The following FLT1 variants were observed in gnomAD, a reference collection of about 807,000 sequenced individuals.
FLT1 encodes the protein vascular endothelial growth factor receptor 1.
Under a neutral mutation model 156.3 loss-of-function variants are expected in FLT1, and 49 were observed. The observed-to-expected ratio is 0.31, with a 90% confidence interval of 0.25 to 0.40. The LOEUF (loss-of-function observed/expected upper bound fraction) is 0.40. Among genes scored for constraint, FLT1 ranks in the 10% least tolerant of loss-of-function variants. The pLI is 1.00. For missense variants in FLT1, 1,322 were observed against 1,637.2 expected (o/e 0.81, Z 3.32); for synonymous variants, 594 against 583.8 (o/e 1.02, Z -0.25).
intron 3 of FLT1, among the ~76,000 whole-genome samples, chr13:28,449,155 C>T (rs1343984692): frequency 6.6e-6 from 1 of 152,108 alleles, no homozygotes; most frequent in Non-Finnish European, 1.5e-5. Flanking sequence ...TGGTGGTACA[C>T]ACCTATAGTC....
At chr13:28,434,699 A>C (rs573919727) in intron 4 of FLT1, among the ~76,000 whole-genome samples, 1 of 152,314 alleles carries the variant, frequency 6.6e-6, no homozygotes, top group East Asian at 1.9e-4. Context: ...CCTGGCCAAC[A>C]TGGTGAAACC....
intron 17 of FLT1, among the ~76,000 whole-genome samples, chr13:28,338,652 A>G (rs1238075719): frequency 6.6e-6 from 1 of 152,102 alleles, no homozygotes; most frequent in Non-Finnish European, 1.5e-5. Flanking sequence ...TAATTTGTGG[A>G]TTTGTGCAGA....
chr13:28,385,686 TTTATA>T, intron 13 of FLT1: 1 of 981,238 alleles, frequency 1.0e-6, no homozygotes, highest in Non-Finnish European at 1.2e-6. Flanking sequence ...AATATTGTAT[TTTATA>T]TTATTTTCTC....
At chr13:28,349,639 A>G (rs985714244) in intron 15 of FLT1, among the ~76,000 whole-genome samples, 4 of 152,188 alleles carry the variant, frequency 2.6e-5, no homozygotes, top group Non-Finnish European at 5.9e-5. Context: ...TGCTTCCCGC[A>G]TGGAATGCAC....
intron 15 of FLT1, 175 bp from the exon 16 acceptor site, chr13:28,345,726 T>C: frequency 3.2e-6 from 2 of 621,580 alleles, no homozygotes; most frequent in South Asian, 1.8e-5. Flanking sequence ...CCAGGCAGTA[T>C]ACATGAACTC....
intron 3 of FLT1, among the ~76,000 whole-genome samples, chr13:28,462,580 T>C (rs971864986): frequency 6.6e-6 from 1 of 152,212 alleles, no homozygotes; most frequent in African/African-American, 2.4e-5. Flanking sequence ...TATTTTCCAC[T>C]ATTATGATTC....
chr13:28,442,783 C>A (rs547671443), intron 3 of FLT1, among the ~76,000 whole-genome samples: 3 of 151,980 alleles, frequency 2.0e-5, no homozygotes, highest in African/African-American at 7.2e-5. Context: ...ATTTCCTCTG[C>A]AATTTACTTC....
intron 27 of FLT1, among the ~76,000 whole-genome samples, chr13:28,310,301 A>G (rs1870945050): frequency 6.6e-6 from 1 of 152,164 alleles, no homozygotes; most frequent in Non-Finnish European, 1.5e-5. Context: ...CTAGAGGCCC[A>G]TAGTACAGTC....
At chr13:28,317,459 G>T in intron 25 of FLT1, 39 bp downstream of exon 25, 1 of 1,282,280 alleles carries the variant, frequency 7.8e-7, no homozygotes, top group Non-Finnish European at 1.1e-6. Context: ...GGTGAAAAGC[G>T]AGCTGTCAGA....
chr13:28,461,636 TAAA>T (rs1879583966), intron 3 of FLT1, among the ~76,000 whole-genome samples: 1 of 152,030 alleles, frequency 6.6e-6, no homozygotes, highest in African/African-American at 2.4e-5. Context: ...AAAATAAGAA[TAAA>T]AAAAGAATCC....
chr13:28,405,019 C>CAAA (rs762428024), intron 11 of FLT1, among the ~76,000 whole-genome samples: 1 of 94,702 alleles, frequency 1.1e-5, no homozygotes, highest in Non-Finnish European at 2.1e-5. Flanking sequence ...GACTCCATCT[C>CAAA]AAAAAAAAAA....
At position 28,364,921 on chromosome 13, in the gene FLT1, C is replaced by G. The variant is rs150706102; in HGVS notation, c.2117-7236G>C. 6.4e-3 allele frequency among the ~76,000 whole-genome samples: 978 copies of G among 152,106 alleles called. 7 individuals are homozygous for G. Among genetic ancestry groups the G allele is most frequent in the Non-Finnish European group, 0.011 (732 of 67,996 alleles). On this transcript the variant is annotated intron_variant, in intron 14 of 29. Coordinates refer to ENST00000282397, the MANE Select transcript of FLT1 (RefSeq NM_002019.4). ...CAAAATGGTCTTGACTATTCTTGGCCCTTTATACTTCAATACTTTATACTT... is the reference window on the plus strand; with the variant it reads ...CAAAATGGTCTTGACTATTCTTGGCGCTTTATACTTCAATACTTTATACTT...
chr13:28,397,333 C>T (rs769311049), intron 11 of FLT1, among the ~76,000 whole-genome samples: 8 of 152,076 alleles, frequency 5.3e-5, no homozygotes, highest in East Asian at 1.9e-4. Flanking sequence ...GTGCTGCTGG[C>T]GTAACAATTA....
At chr13:28,407,067 A>ACT (rs1875851525) in intron 10 of FLT1, among the ~76,000 whole-genome samples, 1 of 152,066 alleles carries the variant, frequency 6.6e-6, no homozygotes, top group Non-Finnish European at 1.5e-5. Context: ...TGCTGACTTA[A>ACT]TGGTTCTGAG....
At chr13:28,409,044 ACCTCATGTGTGATATGTCAG>A (rs1875982135) in intron 10 of FLT1, among the ~76,000 whole-genome samples, 1 of 152,182 alleles carries the variant, frequency 6.6e-6, no homozygotes, top group Non-Finnish European at 1.5e-5. Flanking sequence ...TGGAGCTAGG[ACCTCATGTGTGATATGTCAG>A]CCTTCTACAT....
At chr13:28,370,474 T>C (rs1467518119) in intron 14 of FLT1, among the ~76,000 whole-genome samples, 1 of 152,060 alleles carries the variant, frequency 6.6e-6, no homozygotes, top group Admixed American at 6.6e-5. Context: ...AATAAAAAAA[T>C]GGAGTTATGA....
Position 28,494,912 on chromosome 13 carries a change from T to C in FLT1, c.-69A>G. The C allele has an allele frequency of 7.6e-7, 1 of 1,315,430 alleles. No individual in the cohort carries two copies. The highest frequency in any genetic ancestry group is 1.0e-6 in the Non-Finnish European group (1 of 974,322). The allele number at this position is 1,315,430 out of a possible 1,614,324, so 81.5% of individuals were successfully genotyped here. On this transcript the variant is annotated 5_prime_UTR_variant, in exon 1 of 30. Transcript: ENST00000282397. The stretch of plus-strand genomic sequence containing the variant: ...GCGGCCAACGACCCGGCCGCCAGAG[T>C]CCGTCCTCTCGTTCGCCGCCGCCGG...
chr13:28,391,518 G>A (rs1412768968), intron 12 of FLT1, among the ~76,000 whole-genome samples: 4 of 152,166 alleles, frequency 2.6e-5, no homozygotes, highest in African/African-American at 9.7e-5. Context: ...CTTTCCAGGC[G>A]GAACCAGTGT....
At chr13:28,424,705 A>G (rs1877240742) in intron 10 of FLT1, among the ~76,000 whole-genome samples, 1 of 152,192 alleles carries the variant, frequency 6.6e-6, no homozygotes, top group Non-Finnish European at 1.5e-5. Context: ...CTTTCACTAG[A>G]GCCTAAAATT....
Sources: allele counts gnomAD v4.1 joint callset (sites outside exome capture counted in the v4.1 genomes callset), GRCh38; gene constraint gnomAD v4.1.1; transcripts MANE v1.5; gene names NCBI Gene and HGNC (gene_info 2026-07-23, HGNC 2026-07-21).